Variants in FAT3 observed in about 807,000 individuals in gnomAD.
FAT3 encodes the protein protocadherin Fat 3.
A neutral mutation model predicts 310.2 loss-of-function variants in FAT3; 95 were observed. The observed-to-expected ratio is 0.31, with a 90% CI of 0.26 to 0.36. FAT3 has a LOEUF of 0.36. Ranked by LOEUF, FAT3 falls within the 10% of genes least tolerant of loss-of-function variation. The probability of loss-of-function intolerance (pLI) is 1.00; values close to 1 mark genes in which losing one functional copy is unlikely to be tolerated. For synonymous variants in FAT3, 2,314 were observed against 2,192.9 expected, an observed-to-expected ratio of 1.06 and a Z score of -1.54; for missense variants, 5,408 against 5,715.6, an observed-to-expected ratio of 0.95 and a Z score of 1.74.
At chr11:92,484,085 A>G (rs906024772) in intron 2 of FAT3, among the ~76,000 whole-genome samples, 19 of 152,324 alleles carry the variant, frequency 1.2e-4, no homozygotes, top group South Asian at 1.0e-3. Flanking sequence ...CAGTTTTCCA[A>G]TGTGAGCATC....
Position 92,891,578 on chromosome 11 carries a change from A to G in FAT3, c.*465A>G, listed in dbSNP as rs1276681713. On this transcript the variant is annotated 3_prime_UTR_variant, in exon 28 of 28. Coordinates refer to ENST00000525166, the MANE Select transcript of FAT3 (RefSeq NM_001367949.2). ...GTTGGAAAAGTTAGTCTCTTAGGCG[A>G]AAGAGAAGAGAAACAAATATTATTA... The G allele has an allele frequency of 6.0e-6, 1 of 166,202 alleles. No homozygotes were observed. The highest frequency in any genetic ancestry group is 1.3e-5 in the Non-Finnish European group (1 of 74,618). 10.3% of individuals were successfully genotyped at this position (166,202 alleles called of 1,614,324 possible). A position where few individuals can be genotyped will look rare whatever the true frequency, so the allele number is the denominator to read the frequency against.
chr11:92,313,423 T>C (rs1947358049), intron 1 of FAT3, among the ~76,000 whole-genome samples: 1 of 152,238 alleles, frequency 6.6e-6, no homozygotes, highest in African/African-American at 2.4e-5. Flanking sequence ...GCCATGTTTA[T>C]TGTTGTATTT....
At position 92,399,352 on chromosome 11, in the gene FAT3, C is replaced by A. The variant is rs774988407; in HGVS notation, c.3292+43948C>A. Reference sequence around the variant, plus strand: ...CACAAAATAACCTGAGGATAGAATTCGGACTAGAGATTCCTTTACCAGTAG... The same window carrying A: ...CACAAAATAACCTGAGGATAGAATTAGGACTAGAGATTCCTTTACCAGTAG... On this transcript the variant is annotated intron_variant, in intron 2 of 27. Coordinates refer to ENST00000525166, the MANE Select transcript of FAT3 (RefSeq NM_001367949.2). 2.6e-5 allele frequency among the ~76,000 whole-genome samples: 4 copies of A among 152,028 alleles called. No homozygotes were observed. The South Asian group carries it at 6.2e-4, about 24-fold the overall frequency.
At position 92,774,197 on chromosome 11, in the gene FAT3, C is replaced by T. The variant is rs1301921269; in HGVS notation, c.4335+17C>T. 6.3e-7 allele frequency: 1 copy of T among 1,596,704 alleles called. No homozygotes were observed. The highest frequency in any genetic ancestry group is 8.5e-7 in the Non-Finnish European group (1 of 1,171,860). Reference sequence around the variant, plus strand: ...GTTACTCAGGTGAGATGTTAAATTACTGAATAGCAGGAATGCTGAAAGAGC... The same window carrying T: ...GTTACTCAGGTGAGATGTTAAATTATTGAATAGCAGGAATGCTGAAAGAGC... On this transcript the variant is annotated intron_variant, in intron 7 of 27. Coordinates refer to ENST00000525166, the MANE Select transcript of FAT3 (RefSeq NM_001367949.2).
intron 3 of FAT3, among the ~76,000 whole-genome samples, chr11:92,677,373 T>C (rs967731394): frequency 2.0e-5 from 3 of 152,192 alleles, no homozygotes; most frequent in African/African-American, 7.2e-5. Flanking sequence ...GATAGTCTCA[T>C]TTGCAAGAGG....
At chr11:92,746,711 T>A (rs1304007477) in intron 4 of FAT3, among the ~76,000 whole-genome samples, 5 of 152,166 alleles carry the variant, frequency 3.3e-5, no homozygotes, top group African/African-American at 1.2e-4. Flanking sequence ...ACTTCCCAGA[T>A]ACAATGGGGG....
chr11:92,696,560 A>C (rs1943948100), intron 3 of FAT3, among the ~76,000 whole-genome samples: 1 of 152,184 alleles, frequency 6.6e-6, no homozygotes, highest in Non-Finnish European at 1.5e-5. Flanking sequence ...ATACCAGGAA[A>C]ACAGCCCACA....
chr11:92,572,641 A>G (rs1302922214), intron 3 of FAT3, among the ~76,000 whole-genome samples: 1 of 152,220 alleles, frequency 6.6e-6, no homozygotes, highest in Non-Finnish European at 1.5e-5. Context: ...CACAGGAATG[A>G]AAGGATTAAA....
At chr11:92,265,084 C>A (rs916284337) in intron 1 of FAT3, among the ~76,000 whole-genome samples, 1 of 151,838 alleles carries the variant, frequency 6.6e-6, no homozygotes, top group Non-Finnish European at 1.5e-5. Context: ...ACCACAGGTT[C>A]CCTGGAGCTT....
At chr11:92,276,039 G>T (rs893826027) in intron 1 of FAT3, among the ~76,000 whole-genome samples, 3 of 152,008 alleles carry the variant, frequency 2.0e-5, no homozygotes, top group Non-Finnish European at 4.4e-5. Context: ...ATATGAAAAA[G>T]AGGCCACTTT....
chr11:92,532,882 A>G (rs1214854736), intron 3 of FAT3, among the ~76,000 whole-genome samples: 1 of 152,146 alleles, frequency 6.6e-6, no homozygotes, highest in African/African-American at 2.4e-5. Context: ...GGGGGAAGAA[A>G]AATCCTTGTG....
chr11:92,402,801 C>A (rs539010649), intron 2 of FAT3, among the ~76,000 whole-genome samples: 1 of 149,600 alleles, frequency 6.7e-6, no homozygotes. Flanking sequence ...AACCATAAGT[C>A]CAAGAAGCTC....
intron 3 of FAT3, among the ~76,000 whole-genome samples, chr11:92,567,536 G>T (rs11020007): frequency 0.45 from 67,509 of 149,008 alleles, 15,833 homozygotes; most frequent in African/African-American, 0.55. Flanking sequence ...CCATTACTGG[G>T]TATATACCCA....
intron 2 of FAT3, among the ~76,000 whole-genome samples, chr11:92,398,230 C>G (rs1949923384): frequency 6.6e-6 from 1 of 151,994 alleles, no homozygotes; most frequent in African/African-American, 2.4e-5. Context: ...CTAAATGTCA[C>G]CTTTTCACAC....
chr11:92,372,794 G>A (rs1309664514), intron 2 of FAT3, among the ~76,000 whole-genome samples: 1 of 151,956 alleles, frequency 6.6e-6, no homozygotes, highest in Non-Finnish European at 1.5e-5. Flanking sequence ...CTGAGAAGCT[G>A]GGACTACAGG....
At chr11:92,356,849 A>G (rs938918512) in intron 2 of FAT3, among the ~76,000 whole-genome samples, 2 of 152,198 alleles carry the variant, frequency 1.3e-5, no homozygotes, top group Non-Finnish European at 2.9e-5. Context: ...AATACCAGAA[A>G]AAATGATTTA....
intron 2 of FAT3, among the ~76,000 whole-genome samples, chr11:92,380,113 A>C (rs1422999299): frequency 8.6e-6 from 1 of 116,674 alleles, no homozygotes; most frequent in Admixed American, 9.4e-5. Context: ...GTGTGTGTTC[A>C]ATGAAGGATA....
chr11:92,245,839 G>A (rs1188601068), intron 1 of FAT3, among the ~76,000 whole-genome samples: 2 of 152,138 alleles, frequency 1.3e-5, no homozygotes, highest in African/African-American at 4.8e-5. Context: ...GTTGAGGATA[G>A]AACTTGAACA....
rs111843699 is a variant in FAT3 at position 92,706,095 on chromosome 11, A to G, written c.3669+8650A>G. On this transcript the variant is annotated intron_variant, in intron 4 of 27. Coordinates refer to ENST00000525166, the MANE Select transcript of FAT3 (RefSeq NM_001367949.2). ...CGACTGTGATGGTGGAGATGGTGTTAATGGTGGTGGTGGTAGTAATGGTGG... is the reference window on the plus strand; with the variant it reads ...CGACTGTGATGGTGGAGATGGTGTTGATGGTGGTGGTGGTAGTAATGGTGG... 3.5e-3 allele frequency among the ~76,000 whole-genome samples: 504 copies of G among 145,810 alleles called. 2 individuals are homozygous for G. Among genetic ancestry groups the G allele is most frequent in the African/African-American group, 0.012 (488 of 39,186 alleles).
Sources: gnomAD v4.1 joint callset for allele counts (sites outside exome capture counted in the v4.1 genomes callset) on GRCh38, gnomAD v4.1.1 for gene constraint, MANE v1.5 for transcripts, NCBI Gene and HGNC (gene_info 2026-07-23, HGNC 2026-07-21) for gene names.